KAZN: variants seen among roughly 807,000 people sequenced by gnomAD.
The protein encoded by KAZN is kazrin, periplakin interacting protein.
Under a neutral mutation model 87.4 loss-of-function variants are expected in KAZN, and 40 were observed. That is an observed-to-expected ratio of 0.46 (90% CI 0.36 to 0.60). The LOEUF (loss-of-function observed/expected upper bound fraction) is 0.60, where lower values mean the gene tolerates loss of function less well. KAZN is among the 20% of genes least tolerant of loss of function. The pLI is 0.00. For synonymous variants in KAZN, 466 were observed against 458.3 expected (o/e 1.02, Z -0.22); for missense variants, 898 against 1,073.9 (o/e 0.84, Z 2.29).
intron 1 of KAZN, among the ~76,000 whole-genome samples, chr1:14,109,197 G>A (rs963200026): frequency 6.6e-6 from 1 of 152,198 alleles, no homozygotes. Flanking sequence ...CTAGCCTAGA[G>A]TGAGGTCATG....
At chr1:14,251,643 C>CTTGTTTTTTTTTTTTTT (rs1650043100) in intron 2 of KAZN, among the ~76,000 whole-genome samples, 2 of 90,370 alleles carry the variant, frequency 2.2e-5, no homozygotes, top group Non-Finnish European at 1.9e-5. Context: ...TTCTCCCGGA[C>CTTGTTTTTTTTTTTTTT]TTTTTTTTTT....
chr1:14,512,761 A>T (rs1457530461), intron 2 of KAZN, among the ~76,000 whole-genome samples: 1 of 152,136 alleles, frequency 6.6e-6, no homozygotes, highest in African/African-American at 2.4e-5. Flanking sequence ...CGAAATTAAG[A>T]TGGAGATAAA....
chr1:14,305,657 CT>C (rs912078620), intron 2 of KAZN, among the ~76,000 whole-genome samples: 32 of 147,196 alleles, frequency 2.2e-4, no homozygotes, highest in South Asian at 4.3e-4. Flanking sequence ...TCTGCTCTCC[CT>C]TTTTTTTTTG....
chr1:14,957,959 C>T (rs567043483), intron 1 of KAZN, among the ~76,000 whole-genome samples: 96 of 152,220 alleles, frequency 6.3e-4, no homozygotes, highest in Non-Finnish European at 1.1e-3. Flanking sequence ...CCTCTCCTTA[C>T]AGGGGTGGCT....
intron 2 of KAZN, among the ~76,000 whole-genome samples, chr1:14,285,783 A>C (rs936512280): frequency 1.3e-5 from 2 of 152,142 alleles, no homozygotes; most frequent in South Asian, 4.1e-4. Context: ...CCTGCAGATT[A>C]TATAGCAAAT....
chr1:14,762,315 G>T (rs1297570284), intron 1 of KAZN, among the ~76,000 whole-genome samples: 1 of 152,152 alleles, frequency 6.6e-6, no homozygotes, highest in Non-Finnish European at 1.5e-5. Flanking sequence ...TTGACCCCAG[G>T]GATGATGTTT....
In KAZN at chr1:14,631,982, A is replaced by G. The variant is rs555761095; in HGVS notation, c.226+32759A>G. ...TTGGATTTAGAAGTTTGGAGAAGAC[A>G]AAATGACACATTTTCACACTTCCCT... On this transcript the variant is annotated intron_variant, in intron 1 of 14. Transcript: ENST00000376030. 9.0e-4 allele frequency among the ~76,000 whole-genome samples: 137 copies of G among 152,364 alleles called. 1 individual carries two copies. Among genetic ancestry groups the G allele is most frequent in the Middle Eastern group, 6.8e-3 (2 of 294 alleles).
chr1:14,986,637 C>T (rs1046000923), intron 2 of KAZN, among the ~76,000 whole-genome samples: 4 of 152,086 alleles, frequency 2.6e-5, no homozygotes, highest in African/African-American at 9.7e-5. Flanking sequence ...CCCAACCCTC[C>T]TTGATGAGGC....
intron 2 of KAZN, among the ~76,000 whole-genome samples, chr1:14,397,428 C>T (rs1662993503): frequency 6.6e-6 from 1 of 152,158 alleles, no homozygotes; most frequent in Non-Finnish European, 1.5e-5. Flanking sequence ...CCATTAGCAT[C>T]TTGGGAGTTT....
chr1:15,051,532 CTT>C (rs1212921550), intron 4 of KAZN, among the ~76,000 whole-genome samples: 1 of 152,246 alleles, frequency 6.6e-6, no homozygotes, highest in Middle Eastern at 3.2e-3. Flanking sequence ...AATAGAGACT[CTT>C]TAATAACAAT....
intron 1 of KAZN, among the ~76,000 whole-genome samples, chr1:14,665,294 T>C (rs1425153045): frequency 2.0e-5 from 3 of 151,808 alleles, no homozygotes. Context: ...GCTGCCTCTT[T>C]TTTTTTTTAT....
At chr1:13,896,217 G>C (rs12048824) in intron 1 of KAZN, among the ~76,000 whole-genome samples, 13,751 of 152,102 alleles carry the variant, frequency 0.09, 900 homozygotes, top group East Asian at 0.37. Context: ...ACAAGTTTTC[G>C]CTCATGACTA....
At chr1:14,618,809 G>A (rs368874722) in intron 1 of KAZN, among the ~76,000 whole-genome samples, 1 of 152,226 alleles carries the variant, frequency 6.6e-6, no homozygotes, top group African/African-American at 2.4e-5. Flanking sequence ...TATGTGCAAG[G>A]TATGTAAAAG....
chr1:14,632,887 C>T (rs536922961), intron 1 of KAZN, among the ~76,000 whole-genome samples: 8 of 151,590 alleles, frequency 5.3e-5, no homozygotes, highest in Middle Eastern at 6.8e-3. Flanking sequence ...TGTAGACACT[C>T]TCCTGTTTGG....
chr1:13,907,422 C>T (rs993284962), intron 1 of KAZN, among the ~76,000 whole-genome samples: 9 of 146,860 alleles, frequency 6.1e-5, no homozygotes, highest in Non-Finnish European at 9.0e-5. Flanking sequence ...ACCCCAGCCC[C>T]GGGGTATGGG....
At chr1:14,618,106 G>C (rs971948490) in intron 1 of KAZN, among the ~76,000 whole-genome samples, 3 of 152,228 alleles carry the variant, frequency 2.0e-5, no homozygotes, top group African/African-American at 7.2e-5. Flanking sequence ...TGCTAAGCAA[G>C]GAAAGGCTTG....
At chr1:15,087,968 C>T (rs563242734) in intron 8 of KAZN, among the ~76,000 whole-genome samples, 21 of 152,324 alleles carry the variant, frequency 1.4e-4, no homozygotes, top group African/African-American at 3.6e-4. Flanking sequence ...AAATGTAAAA[C>T]GCTTCCGTGA....
intron 1 of KAZN, among the ~76,000 whole-genome samples, chr1:13,959,955 TG>T (rs1641689935): frequency 6.6e-6 from 1 of 152,096 alleles, no homozygotes; most frequent in Non-Finnish European, 1.5e-5. Flanking sequence ...AAGGAGGCAA[TG>T]ATGAATAGAA....
intron 1 of KAZN, among the ~76,000 whole-genome samples, chr1:14,732,026 AGCTGTGGGATAGTGCAGT>A (rs1382894702): frequency 2.0e-5 from 3 of 152,244 alleles, no homozygotes; most frequent in Non-Finnish European, 2.9e-5. Context: ...GTGGGAAGTC[AGCTGTGGGATAGTGCAGT>A]GCTGTGGGAT....
Sources: allele counts gnomAD v4.1 joint callset (sites outside exome capture counted in the v4.1 genomes callset), GRCh38; gene constraint gnomAD v4.1.1; transcripts MANE v1.5; gene names NCBI Gene and HGNC (gene_info 2026-07-23, HGNC 2026-07-21).